Variants in FANCE observed in about 807,000 individuals in gnomAD.
The protein encoded by FANCE is Fanconi anemia group E protein.
Under a neutral mutation model 57.8 loss-of-function variants are expected in FANCE, and 42 were observed. The observed-to-expected ratio is 0.73, with a 90% CI of 0.57 to 0.94. The LOEUF is 0.94. FANCE is among the 40% of genes least tolerant of loss of function. FANCE has a pLI of 0.00. For synonymous variants in FANCE, 251 were observed against 286.4 expected (o/e 0.88, Z 1.25); for missense variants, 608 against 661.8 (o/e 0.92, Z 0.89).
chr6:35,454,696 G>A (rs556468053), intron 1 of FANCE, among the ~76,000 whole-genome samples: 1 of 152,230 alleles, frequency 6.6e-6, no homozygotes, highest in Non-Finnish European at 1.5e-5. Flanking sequence ...GCAGGACAGA[G>A]CATTGGTTCT....
At chr6:35,455,643 C>T (rs1175309182) in intron 1 of FANCE, 104 bp from the exon 2 acceptor site, 1 of 1,391,650 alleles carries the variant, frequency 7.2e-7, no homozygotes, top group Admixed American at 1.7e-5. Context: ...TACTGCGTGC[C>T]AGCCCCCATC....
Position 35,456,983 on chromosome 6 carries a change from GC to G in FANCE, c.856-569del, listed in dbSNP as rs535285272. ...GAAGAATCATGACAGCATCCAGTCT[GC>G]CCCTGCCTCCTAGTCTGAGGCCTGG... On this transcript the variant is annotated intron_variant, in intron 2 of 9. Coordinates refer to ENST00000229769, the MANE Select transcript of FANCE (RefSeq NM_021922.3). This position sits in a 1 kb window ranked among gnomAD's most constrained non-coding sequence, Gnocchi z 4.3. Among the ~76,000 whole-genome samples, 131 of 152,324 alleles carry G rather than the reference GC, an allele frequency of 8.6e-4. No homozygotes were observed. The highest frequency in any genetic ancestry group is 1.4e-3 in the Non-Finnish European group (96 of 68,028).
rs1403763100 is a variant in FANCE at position 35,467,101 on chromosome 6, A to G, written c.*756A>G. On this transcript the variant is annotated 3_prime_UTR_variant, in exon 10 of 10. Coordinates refer to ENST00000229769, the MANE Select transcript of FANCE (RefSeq NM_021922.3). ...GGTGTTGAATAAAAGCAAGTTCAAT[A>G]ATGTCTTTTTCTTTTTTTTTTTTCG... is the stretch of plus-strand genomic sequence containing the variant. 1 of 197,700 alleles carries G rather than the reference A, an allele frequency of 5.1e-6. No homozygotes were observed. Among genetic ancestry groups the G allele is most frequent in the Non-Finnish European group, 1.0e-5 (1 of 95,814 alleles). 12.2% of individuals were successfully genotyped at this position (197,700 alleles called of 1,614,324 possible). A position where few individuals can be genotyped will look rare whatever the true frequency, so the allele number is the denominator to read the frequency against.
intron 1 of FANCE, among the ~76,000 whole-genome samples, chr6:35,453,826 G>A (rs951186378): frequency 7.2e-5 from 11 of 152,234 alleles, no homozygotes; most frequent in Non-Finnish European, 1.5e-4. Context: ...ATTCTGGATA[G>A]AGTAAGGAGA....
rs370606792 is a variant in FANCE, at chr6:35,455,924, G to A, written c.426G>A (p.Arg142=). 1 of 1,614,144 alleles carries A rather than the reference G, an allele frequency of 6.2e-7. No homozygotes were observed. Among genetic ancestry groups the A allele is most frequent in the Non-Finnish European group, 8.5e-7 (1 of 1,180,028 alleles). The change falls in exon 2 of 10, where the codon AGG becomes AGA. Residue 142 remains arginine (R), a synonymous_variant. Transcript: ENST00000229769. ...GTGCCCTGGGGGAATTGCTGCGAAG[G>A]GATTTGGGGGTGGGGACCTCCATGG... ...WLRALGELLR[R]DLGVGTSMEG...
At chr6:35,454,007 C>T (rs1021797309) in intron 1 of FANCE, among the ~76,000 whole-genome samples, 8 of 152,122 alleles carry the variant, frequency 5.3e-5, no homozygotes, top group Non-Finnish European at 8.8e-5. Context: ...TATCTCTCTA[C>T]CCCCAAATAT....
In FANCE at chr6:35,458,345, G is replaced by C. The variant is rs45524646; in HGVS notation, c.1018G>C (p.Gly340Arg). ...QLQLPQLSDL[G>R]LLRLCTWLLA... ...GCAGCTCCCTCAGCTCTCAGACCTC[G>C]GTCTCCTGCGGCTCTGCACCTGGCT... Residue 340 changes from glycine (G) to arginine (R), a missense_variant, in exon 5 of 10, where the codon GGT becomes CGT. Physicochemically the swap from Gly to Arg is moderately radical, Grantham distance 125. Coordinates refer to ENST00000229769, the MANE Select transcript of FANCE (RefSeq NM_021922.3). The C allele has an allele frequency of 6.0e-4, 975 of 1,614,098 alleles. 1 individual carries two copies. The highest frequency in any genetic ancestry group is 7.3e-4 in the Non-Finnish European group (863 of 1,180,028).
chr6:35,459,628 T>G, intron 6 of FANCE, 54 bp from the exon 7 acceptor site: 1 of 1,592,406 alleles, frequency 6.3e-7, no homozygotes, highest in Non-Finnish European at 8.6e-7. Context: ...CCCTGCTTTC[T>G]GCTGTCTTCT....
intron 4 of FANCE, among the ~76,000 whole-genome samples, 153 bp from the exon 5 acceptor site, chr6:35,458,144 C>T (rs1462409486): frequency 2.0e-5 from 3 of 152,118 alleles, no homozygotes; most frequent in Non-Finnish European, 4.4e-5. Context: ...ATCTTTTAGC[C>T]CTTGGTTCCT....
chr6:35,452,599 C>T lies in FANCE; in HGVS notation c.54C>T (p.Pro18=). ...GGGCTGAGGGCGTGGAGCCGGCGCC[C>T]TGGGCGCAGCTGGAGGCCCCCGCCC... ...LPGAEGVEPA[P]WAQLEAPARL... Residue 18 remains proline, a synonymous_variant, in exon 1 of 10, where the codon CCC becomes CCT. Coordinates refer to ENST00000229769, the MANE Select transcript of FANCE (RefSeq NM_021922.3). 2 of 1,316,878 alleles carry T rather than the reference C, an allele frequency of 1.5e-6. No individual in the cohort carries two copies. The highest frequency in any genetic ancestry group is 1.9e-6 in the Non-Finnish European group (2 of 1,030,436). The allele number at this position is 1,316,878 out of a possible 1,614,324, so 81.6% of individuals were successfully genotyped here. A position where few individuals can be genotyped will look rare whatever the true frequency, so the allele number is the denominator to read the frequency against.
chr6:35,453,325 C>G (rs530525979), intron 1 of FANCE, among the ~76,000 whole-genome samples: 1 of 151,880 alleles, frequency 6.6e-6, no homozygotes, highest in Non-Finnish European at 1.5e-5. Flanking sequence ...TTTTTTTAAC[C>G]TCTCTGTGGC....
chr6:35,458,511 G>A, intron 5 of FANCE, 71 bp downstream of exon 5: 2 of 1,571,506 alleles, frequency 1.3e-6, no homozygotes, highest in South Asian at 2.2e-5. Context: ...CAGAAGGGTG[G>A]TACTTGAGAG....
chr6:35,457,518 G>A (rs200045018), intron 2 of FANCE, 38 bp from the exon 3 acceptor site: 2 of 1,612,234 alleles, frequency 1.2e-6, no homozygotes, highest in Non-Finnish European at 1.7e-6. Context: ...CATGCTGCAG[G>A]GGGAGGGACG....
chr6:35,454,437 C>CT (rs1157539628), intron 1 of FANCE, among the ~76,000 whole-genome samples: 8 of 151,604 alleles, frequency 5.3e-5, no homozygotes, highest in Admixed American at 4.6e-4. Context: ...AAATAGTTGT[C>CT]TTTTTTTTTC....
Position 35,458,335 on chromosome 6 carries a change from C to T in FANCE, c.1008C>T (p.Leu336=). Residue 336 remains leucine, a synonymous_variant, in exon 5 of 10, where the codon CTC becomes CTT. Transcript: ENST00000229769. Reference sequence around the variant, plus strand: ...GTGCCCAGCTGCAGCTCCCTCAGCTCTCAGACCTCGGTCTCCTGCGGCTCT... The same window carrying T: ...GTGCCCAGCTGCAGCTCCCTCAGCTTTCAGACCTCGGTCTCCTGCGGCTCT... ...LLCAQLQLPQ[L]SDLGLLRLCT... is the part of the protein sequence containing the mutation. 6.2e-7 allele frequency: 1 copy of T among 1,614,154 alleles called. No individual in the cohort carries two copies. Among genetic ancestry groups the T allele is most frequent in the African/African-American group, 1.3e-5 (1 of 75,042 alleles).
rs1767698383 is a variant in FANCE at position 35,463,931 on chromosome 6, T to A, written c.1509+1017T>A. ...AGCCCGCCTCGGCCTCCAAAAGTGC[T>A]GGGATTACAGGCGTGAGCTGTCGTG... is the stretch of plus-strand genomic sequence containing the variant. On this transcript the variant is annotated intron_variant, in intron 9 of 9. Transcript: ENST00000229769. Among the ~76,000 whole-genome samples, 4 of 152,218 alleles carry A rather than the reference T, an allele frequency of 2.6e-5. No homozygotes were observed. In the South Asian group the frequency reaches 8.3e-4, roughly 32 times the overall value.
chr6:35,452,882 C>A lies in FANCE; in HGVS notation c.248+89C>A. 3 of 1,211,402 alleles carry A rather than the reference C, an allele frequency of 2.5e-6. No homozygotes were observed. The South Asian group carries it at 9.9e-5, about 40-fold the overall frequency. The allele number at this position is 1,211,402 out of a possible 1,614,324, so 75.0% of individuals were successfully genotyped here. A position where few individuals can be genotyped will look rare whatever the true frequency, so the allele number is the denominator to read the frequency against. ...CACACAGAGGTGAAATAAGCCCCTT[C>A]AGCGACGGCCTGCCGCGCACCCTAT... is the stretch of plus-strand genomic sequence containing the variant. On this transcript the variant is annotated intron_variant, in intron 1 of 9. Transcript: ENST00000229769.
Position 35,456,495 on chromosome 6 carries a change from A to AC in FANCE, c.855+142_855+143insC. The AC allele has an allele frequency of 9.3e-7, 1 of 1,070,696 alleles. No homozygotes were observed. The highest frequency in any genetic ancestry group is 1.4e-6 in the Non-Finnish European group (1 of 696,770). The allele number at this position is 1,070,696 out of a possible 1,614,324, so 66.3% of individuals were successfully genotyped here. ...AGAAGGAGGAAGGTAGGGTTGAGGG[A>AC]ATGTAGCCTCCACTCTACAGACTCT... On this transcript the variant is annotated intron_variant, in intron 2 of 9. Coordinates refer to ENST00000229769, the MANE Select transcript of FANCE (RefSeq NM_021922.3). This position sits in a 1 kb window ranked among gnomAD's most constrained non-coding sequence, Gnocchi z 4.3.
chr6:35,453,349 C>G (rs1435855302), intron 1 of FANCE, among the ~76,000 whole-genome samples: 2 of 151,972 alleles, frequency 1.3e-5, no homozygotes, highest in East Asian at 3.8e-4. Context: ...CGAAGGATTC[C>G]TACTAGGAGC....
Sources: allele counts gnomAD v4.1 joint callset (sites outside exome capture counted in the v4.1 genomes callset), GRCh38; gene constraint gnomAD v4.1.1; non-coding constraint Gnocchi (gnomAD v3.1); transcripts MANE v1.5; gene names NCBI Gene and HGNC (gene_info 2026-07-23, HGNC 2026-07-21).